TRIML2: variants seen among roughly 807,000 people sequenced by gnomAD.
TRIML2 encodes the protein probable E3 ubiquitin-protein ligase TRIML2.
TRIML2 carries 28 observed loss-of-function variants against 31.2 expected under a neutral mutation model. That is an observed-to-expected ratio of 0.90 (90% CI 0.66 to 1.23). The LOEUF is 1.23. Among genes scored for constraint, TRIML2 ranks in the 50% most tolerant of loss-of-function variants. The pLI is 0.00. For synonymous variants in TRIML2, 187 were observed against 197.5 expected, an observed-to-expected ratio of 0.95 and a Z score of 0.45; for missense variants, 536 against 528.3, an observed-to-expected ratio of 1.01 and a Z score of -0.14.
Position 188,097,071 on chromosome 4 carries a change from T to G in TRIML2, c.735A>C (p.Arg245Ser). Residue 245 changes from arginine to serine, a missense_variant, in exon 7 of 8, where the codon AGA becomes AGC. Coordinates refer to ENST00000682553, the MANE Select transcript of TRIML2 (RefSeq NM_173553.4). The part of the protein sequence containing the change: ...CHIRGLSSMF[R>S]VLQRHLTLDP... Reference sequence around the variant, plus strand: ...CATGTGTCAACTTACTCTGGAGTACTCTGAACATGCTGCTGAGTCCTCTTA... The same window carrying G: ...CATGTGTCAACTTACTCTGGAGTACGCTGAACATGCTGCTGAGTCCTCTTA... The G allele has an allele frequency of 2.5e-6, 4 of 1,613,010 alleles. No homozygotes were observed. The highest frequency in any genetic ancestry group is 3.4e-6 in the Non-Finnish European group (4 of 1,178,994).
chr4:188,102,161 C>G (rs1359894677), intron 3 of TRIML2, among the ~76,000 whole-genome samples: 2 of 148,482 alleles, frequency 1.3e-5, no homozygotes, highest in Non-Finnish European at 3.0e-5. Context: ...AAATGTTCAT[C>G]AATAAGGAAA....
At chr4:188,102,129 TAAAAAAAAAAA>T (rs141783514) in intron 3 of TRIML2, among the ~76,000 whole-genome samples, 3 of 106,304 alleles carry the variant, frequency 2.8e-5, no homozygotes, top group Admixed American at 9.8e-5. Context: ...GACTCCATCT[TAAAAAAAAAAA>T]AAAAAAAAAG....
intron 1 of TRIML2, among the ~76,000 whole-genome samples, chr4:188,108,051 C>T (rs1734113547): frequency 6.6e-6 from 1 of 152,164 alleles, no homozygotes; most frequent in African/African-American, 2.4e-5. Flanking sequence ...GCTGACCACA[C>T]CCTTCTTCCT....
chr4:188,101,801 C>T (rs545786235), intron 3 of TRIML2, among the ~76,000 whole-genome samples: 4 of 152,106 alleles, frequency 2.6e-5, no homozygotes, highest in African/African-American at 4.8e-5. Context: ...GACATCAACA[C>T]AATTTTAGAA....
In TRIML2 at chr4:188,101,987, G is replaced by A. The variant is rs1170157602; in HGVS notation, c.286-737C>T. ...CTACTAAAAATACAAAAAATTAGCCGGGCTTGGTGGCGGGCGCCTGTAGTC... is the reference window on the plus strand; with the variant it reads ...CTACTAAAAATACAAAAAATTAGCCAGGCTTGGTGGCGGGCGCCTGTAGTC... On this transcript the variant is annotated intron_variant, in intron 3 of 7. Coordinates refer to ENST00000682553, the MANE Select transcript of TRIML2 (RefSeq NM_173553.4). 6.6e-5 allele frequency among the ~76,000 whole-genome samples: 10 copies of A among 151,524 alleles called. No individual in the cohort carries two copies. In the East Asian group the frequency reaches 7.9e-4, roughly 12 times the overall value.
intron 1 of TRIML2, chr4:188,105,952 A>T: frequency 6.6e-6 from 1 of 152,498 alleles, no homozygotes; most frequent in Non-Finnish European, 1.5e-5. Context: ...CCCAGGCTCC[A>T]GCGATCCTCC....
intron 3 of TRIML2, among the ~76,000 whole-genome samples, chr4:188,103,142 A>G (rs1733876695): frequency 6.6e-6 from 1 of 150,378 alleles, no homozygotes; most frequent in South Asian, 2.1e-4. Flanking sequence ...TCACCTGAGT[A>G]GCTGGGACTA....
At chr4:188,096,496 C>T in intron 7 of TRIML2, among the ~76,000 whole-genome samples, 1 of 120,394 alleles carries the variant, frequency 8.3e-6, no homozygotes, top group South Asian at 3.1e-4. Context: ...CGCACCACTG[C>T]ACTCCAGCCT....
At chr4:188,098,824 A>G (rs2111169584) in intron 5 of TRIML2, 1 of 537,916 alleles carries the variant, frequency 1.9e-6, no homozygotes, top group Admixed American at 3.6e-5. Flanking sequence ...TTTTAAGGTG[A>G]GAATTCATCT....
Position 188,094,123 on chromosome 4 carries a change from A to T in TRIML2, c.746-2182T>A, listed in dbSNP as rs535904586. 6.2e-4 allele frequency among the ~76,000 whole-genome samples: 89 copies of T among 144,614 alleles called. 1 individual carries two copies. The highest frequency in any genetic ancestry group is 2.3e-3 in the African/African-American group (86 of 37,634). 94.9% of individuals were successfully genotyped at this position (144,614 alleles called of 152,430 possible). Reference sequence around the variant, plus strand: ...AAAAACAAAAACAAAAACAAAAACAAAAACAAAAAACACAAAACAACAACA... The same window carrying T: ...AAAAACAAAAACAAAAACAAAAACATAAACAAAAAACACAAAACAACAACA... On this transcript the variant is annotated intron_variant, in intron 7 of 7. Transcript: ENST00000682553.
chr4:188,094,097 C>G (rs7672667), intron 7 of TRIML2, among the ~76,000 whole-genome samples: 3 of 143,346 alleles, frequency 2.1e-5, no homozygotes, highest in Admixed American at 6.9e-5. Flanking sequence ...TCTCAAAAAA[C>G]AAAAACAAAA....
At position 188,091,778 on chromosome 4, in the gene TRIML2, C is replaced by T. The variant is rs1733270851; in HGVS notation, c.909G>A (p.Arg303=). Residue 303 remains arginine (R), a synonymous_variant, in exon 8 of 8, where the codon AGG becomes AGA. Coordinates refer to ENST00000682553, the MANE Select transcript of TRIML2 (RefSeq NM_173553.4). ...TTTCCACGTCCACCTCCCAGTAGTG[C>T]CTCCCTGAGGTGAAGCTCTCCGCAG... ...VLAAESFTSG[R]HYWEVDVEKA... The T allele has an allele frequency of 1.2e-6, 2 of 1,614,014 alleles. No individual in the cohort carries two copies. The highest frequency in any genetic ancestry group is 1.1e-5 in the South Asian group (1 of 91,088).
At position 188,091,930 on chromosome 4, in the gene TRIML2, A is replaced by G. The variant is rs568068104; in HGVS notation, c.757T>C (p.Leu253=). The G allele has an allele frequency of 7.0e-5, 112 of 1,609,226 alleles. No homozygotes were observed. The African/African-American group carries it at 1.0e-3, about 15-fold the overall frequency. ...CAGGGATGAGCTGTTTCAGGATCCA[A>G]TGTTAAATGTCCTATCAGGAGAGAA... ...MFRVLQRHLT[L]DPETAHPCLA... Residue 253 remains leucine, a synonymous_variant, in exon 8 of 8, where the codon TTG becomes CTG. Coordinates refer to ENST00000682553, the MANE Select transcript of TRIML2 (RefSeq NM_173553.4).
rs764361846 is a variant in TRIML2, at chr4:188,104,867, A to G, written c.255T>C (p.Thr85=). Residue 85 remains threonine (T), a synonymous_variant, in exon 3 of 8, where the codon ACT becomes ACC. Transcript: ENST00000682553. ...EKLEAAKSIL[T]DEQERMAMIQ... ...TCATCGCCATTCTTTCTTGCTCATC[A>G]GTCAATATGCTTTTAGCTGCTTCAA... 3 of 1,613,888 alleles carry G rather than the reference A, an allele frequency of 1.9e-6. No individual in the cohort carries two copies. The highest frequency in any genetic ancestry group is 2.5e-6 in the Non-Finnish European group (3 of 1,179,966).
chr4:188,092,262 C>T (rs1031401584), intron 7 of TRIML2, among the ~76,000 whole-genome samples: 1 of 152,056 alleles, frequency 6.6e-6, no homozygotes, highest in Non-Finnish European at 1.5e-5. Flanking sequence ...GAGTTCAAGA[C>T]CAGCCTGGTC....
At position 188,091,402 on chromosome 4, in the gene TRIML2, G is replaced by C. The variant is rs774373477; in HGVS notation, c.1285C>G (p.Pro429Ala). The C allele has an allele frequency of 5.0e-6, 8 of 1,614,102 alleles. No homozygotes were observed. Among genetic ancestry groups the C allele is most frequent in the Middle Eastern group, 1.7e-4 (1 of 6,060 alleles). ...GGGCTAACAGTAGCATCACAAGAAG[G>C]ACCATGTTGTAAGATGGTGAGGGAG... ...PDSLTILQHGPSCDATVSP is the reference protein window; with the variant it reads ...PDSLTILQHGASCDATVSP Residue 429 changes from proline to alanine, a missense_variant, in exon 8 of 8, where the codon CCT (proline) becomes GCT (alanine). By Grantham distance (27) the Pro-to-Ala change is conservative. Coordinates refer to ENST00000682553, the MANE Select transcript of TRIML2 (RefSeq NM_173553.4).
intron 7 of TRIML2, among the ~76,000 whole-genome samples, chr4:188,095,114 C>T (rs1248820141): frequency 1.3e-5 from 2 of 152,014 alleles, no homozygotes; most frequent in Non-Finnish European, 1.5e-5. Context: ...AGGGTTTGCA[C>T]CATTCTGTGA....
intron 5 of TRIML2, among the ~76,000 whole-genome samples, chr4:188,097,724 T>C (rs1733581181): frequency 6.6e-6 from 1 of 152,178 alleles, no homozygotes; most frequent in African/African-American, 2.4e-5. Context: ...CCTGCCTGCA[T>C]GCTCAAGAAC....
At chr4:188,104,577 G>A (rs1342632183) in intron 3 of TRIML2, among the ~76,000 whole-genome samples, 1 of 151,954 alleles carries the variant, frequency 6.6e-6, no homozygotes, top group Non-Finnish European at 1.5e-5. Flanking sequence ...TGGCCAGGCT[G>A]GTCTCAAACT....
Sources: allele counts gnomAD v4.1 joint callset (sites outside exome capture counted in the v4.1 genomes callset), GRCh38; gene constraint gnomAD v4.1.1; transcripts MANE v1.5; gene names NCBI Gene and HGNC (gene_info 2026-07-23, HGNC 2026-07-21).